The following NFIX variants were observed in gnomAD, a reference collection of about 807,000 sequenced individuals.
The protein encoded by NFIX is nuclear factor I X.
Under a neutral mutation model 53.3 loss-of-function variants are expected in NFIX, and 2 were observed. The ratio of observed to expected loss-of-function variants is 0.04; its 90% confidence interval spans 0.02 to 0.12. The LOEUF (loss-of-function observed/expected upper bound fraction) is 0.12, where lower values mean the gene tolerates loss of function less well. NFIX is among the 10% of genes least tolerant of loss of function. The pLI, the probability that NFIX is intolerant of heterozygous loss-of-function variation, is 1.00. For missense variants in NFIX, 310 were observed against 674.5 expected (o/e 0.46, Z 5.99); for synonymous variants, 244 against 289.0 (o/e 0.84, Z 1.58).
rs2145539450 is a variant in NFIX at position 13,094,736 on chromosome 19, A to C, written c.*87A>C. The C allele has an allele frequency of 7.4e-7, 1 of 1,356,632 alleles. No individual in the cohort carries two copies. Among genetic ancestry groups the C allele is most frequent in the Admixed American group, 2.1e-5 (1 of 48,752 alleles). 84.0% of individuals were successfully genotyped at this position (1,356,632 alleles called of 1,614,324 possible). A position where few individuals can be genotyped will look rare whatever the true frequency, so the allele number is the denominator to read the frequency against. On this transcript the variant is annotated 3_prime_UTR_variant, in exon 11 of 11. Coordinates refer to ENST00000592199, the MANE Select transcript of NFIX (RefSeq NM_001365902.3). This position sits in a 1 kb window ranked among gnomAD's most constrained non-coding sequence, Gnocchi z 4.3. ...AATTTTGAGAATGGAAAAATCCCCCAGCCCAGCCCAGCCCCACCGAAAAGC... is the reference window on the plus strand; with the variant it reads ...AATTTTGAGAATGGAAAAATCCCCCCGCCCAGCCCAGCCCCACCGAAAAGC...
rs1247619914 is a variant in NFIX, at chr19:12,998,310, GCCTCTCTCTCTTTC to G, written c.27+2458_27+2471del. ...CTCTCTCTCTCTGTCTCTCTGGCCT[GCCTCTCTCTCTTTC>G]CCTCTCTCTCTCTCCCTTTTCTTTT... On this transcript the variant is annotated intron_variant, in intron 1 of 10. Coordinates refer to ENST00000592199, the MANE Select transcript of NFIX (RefSeq NM_001365902.3). The surrounding 1 kb of genome is among the most constrained non-coding windows in gnomAD (Gnocchi z 4.4). Among the ~76,000 whole-genome samples, 1 of 151,258 alleles carries G rather than the reference GCCTCTCTCTCTTTC, an allele frequency of 6.6e-6. No individual in the cohort carries two copies. The highest frequency in any genetic ancestry group is 1.5e-5 in the Non-Finnish European group (1 of 67,830).
intron 2 of NFIX, chr19:13,070,684 C>CAGCGCCCGGAGA (rs1402356156): frequency 6.6e-6 from 1 of 152,466 alleles, no homozygotes; most frequent in Non-Finnish European, 1.5e-5. Flanking sequence ...TGGCTGCCAG[C>CAGCGCCCGGAGA]AGCGCCCGGA....
At chr19:13,004,027 G>A (rs1287965818) in intron 1 of NFIX, among the ~76,000 whole-genome samples, 2 of 152,108 alleles carry the variant, frequency 1.3e-5, no homozygotes, top group East Asian at 3.9e-4. Flanking sequence ...CTCCCGCCTC[G>A]GCCTCCCAAG....
chr19:13,010,711 A>G (rs1599715451), intron 1 of NFIX, among the ~76,000 whole-genome samples: 1 of 152,230 alleles, frequency 6.6e-6, no homozygotes, highest in South Asian at 2.1e-4. Context: ...GCCCACACAC[A>G]TGGCTCCAGG....
chr19:13,064,641 G>A (rs1406889770), intron 2 of NFIX, among the ~76,000 whole-genome samples: 2 of 152,194 alleles, frequency 1.3e-5, no homozygotes, highest in Admixed American at 1.3e-4. Context: ...GAGCCCCTCT[G>A]TTCACTGGCA....
At chr19:13,042,022 C>T (rs78508182) in intron 2 of NFIX, among the ~76,000 whole-genome samples, 6 of 151,542 alleles carry the variant, frequency 4.0e-5, no homozygotes, top group Non-Finnish European at 7.4e-5. Flanking sequence ...CTCAGCCTCC[C>T]GAGTAGCTGG....
At chr19:13,031,529 A>G (rs1254173213) in intron 2 of NFIX, among the ~76,000 whole-genome samples, 2 of 152,160 alleles carry the variant, frequency 1.3e-5, no homozygotes, top group African/African-American at 4.8e-5. Context: ...CACTTAGTCA[A>G]CTTACTGTGA....
At chr19:13,029,642 T>C (rs1354978861) in intron 2 of NFIX, among the ~76,000 whole-genome samples, 1 of 152,164 alleles carries the variant, frequency 6.6e-6, no homozygotes, top group Non-Finnish European at 1.5e-5. Flanking sequence ...AGTGTGGTGC[T>C]CTGAGAGCAG....
chr19:12,997,685 C>G (rs952992053), intron 1 of NFIX, among the ~76,000 whole-genome samples: 3 of 152,224 alleles, frequency 2.0e-5, no homozygotes, highest in African/African-American at 7.2e-5. Context: ...GCTGCCAGCC[C>G]GGCCTCCCAT....
Position 13,088,275 on chromosome 19 carries a change from C to T in NFIX, c.1402+139C>T. ...CAGAGCACCATGGACAAGAGCAGAG[C>T]CGAGCCCCCCAACCACAGCCTCCCT... On this transcript the variant is annotated intron_variant, in intron 9 of 10. Transcript: ENST00000592199. The surrounding 1 kb of genome is among the most constrained non-coding windows in gnomAD (Gnocchi z 5.9). The T allele has an allele frequency of 9.2e-7, 1 of 1,083,678 alleles. No individual in the cohort carries two copies. The highest frequency in any genetic ancestry group is 1.3e-6 in the Non-Finnish European group (1 of 776,036). 67.1% of individuals were successfully genotyped at this position (1,083,678 alleles called of 1,614,324 possible). A position where few individuals can be genotyped will look rare whatever the true frequency, so the allele number is the denominator to read the frequency against.
At position 13,025,227 on chromosome 19, in the gene NFIX, G is replaced by A. The variant is rs1392028274; in HGVS notation, c.234G>A (p.Lys78=). The change falls in exon 2 of 11, where the codon AAG becomes AAA. Residue 78 remains lysine, a synonymous_variant. Coordinates refer to ENST00000592199, the MANE Select transcript of NFIX (RefSeq NM_001365902.3). The surrounding 1 kb of genome is among the most constrained non-coding windows in gnomAD (Gnocchi z 7.5). ...AGTGGGCATCCCGGCTGCTGGCCAA[G>A]CTGCGCAAGGACATCCGGCCCGAGT... ...KQKWASRLLA[K]LRKDIRPEFR... The A allele has an allele frequency of 1.9e-6, 3 of 1,614,202 alleles. No individual in the cohort carries two copies. The highest frequency in any genetic ancestry group is 2.5e-6 in the Non-Finnish European group (3 of 1,180,028).
In NFIX at chr19:13,094,145, C is replaced by A. The variant is rs997300825; in HGVS notation, c.1495-490C>A. ...GCCCCCAGTCTTTCAGCCTGTGGGA[C>A]CTTGGCTGGGGTATATAGATGGGAA... On this transcript the variant is annotated intron_variant, in intron 10 of 10. Transcript: ENST00000592199. This position sits in a 1 kb window ranked among gnomAD's most constrained non-coding sequence, Gnocchi z 4.3. Among the ~76,000 whole-genome samples, 1 of 152,204 alleles carries A rather than the reference C, an allele frequency of 6.6e-6. No individual in the cohort carries two copies. Among genetic ancestry groups the A allele is most frequent in the Non-Finnish European group, 1.5e-5 (1 of 68,034 alleles).
intron 1 of NFIX, chr19:13,024,474 C>T (rs1043185349): frequency 1.4e-6 from 2 of 1,473,832 alleles, no homozygotes; most frequent in South Asian, 1.3e-5. Flanking sequence ...CTCGCTTGCT[C>T]GTGGATGTCA....
Position 12,996,939 on chromosome 19 carries a change from C to T in NFIX, c.27+1075C>T, listed in dbSNP as rs539684692. Among the ~76,000 whole-genome samples, 1 of 152,372 alleles carries T rather than the reference C, an allele frequency of 6.6e-6. No individual in the cohort carries two copies. Among genetic ancestry groups the T allele is most frequent in the Non-Finnish European group, 1.5e-5 (1 of 68,032 alleles). On this transcript the variant is annotated intron_variant, in intron 1 of 10. Transcript: ENST00000592199. This position sits in a 1 kb window ranked among gnomAD's most constrained non-coding sequence, Gnocchi z 5.2. ...AGAGGGCACAGAAGCTGCCCAGAGTCCCACAGTGGCCCTGACAGCGTTGCC... is the reference window on the plus strand; with the variant it reads ...AGAGGGCACAGAAGCTGCCCAGAGTTCCACAGTGGCCCTGACAGCGTTGCC...
chr19:13,046,691 G>T (rs1219737222), intron 2 of NFIX, among the ~76,000 whole-genome samples: 1 of 152,152 alleles, frequency 6.6e-6, no homozygotes, highest in Non-Finnish European at 1.5e-5. Context: ...AGGCTGTGAG[G>T]CAGTCGTTCT....
intron 2 of NFIX, among the ~76,000 whole-genome samples, chr19:13,033,011 G>T (rs1373033646): frequency 2.0e-5 from 3 of 152,134 alleles, no homozygotes; most frequent in Non-Finnish European, 4.4e-5. Flanking sequence ...CAACAGGGAA[G>T]TGTGCCCATT....
rs1476159444 is a variant in NFIX at position 13,093,586 on chromosome 19, C to G, written c.1495-1049C>G. On this transcript the variant is annotated intron_variant, in intron 10 of 10. Transcript: ENST00000592199. This position sits in a 1 kb window ranked among gnomAD's most constrained non-coding sequence, Gnocchi z 4.7. The stretch of plus-strand genomic sequence containing the variant: ...TGCCCGAGGGCTGTGTGGCCTCAGG[C>G]AGGTCACGTACCCCCTCTGTGCCTA... Among the ~76,000 whole-genome samples the G allele has an allele frequency of 6.6e-6, 1 of 152,194 alleles. No homozygotes were observed. The highest frequency in any genetic ancestry group is 1.5e-5 in the Non-Finnish European group (1 of 68,022).
In NFIX at chr19:12,998,849, G is replaced by A. The variant is rs1292447452; in HGVS notation, c.27+2985G>A. Among the ~76,000 whole-genome samples, 1 of 152,126 alleles carries A rather than the reference G, an allele frequency of 6.6e-6. No individual in the cohort carries two copies. Among genetic ancestry groups the A allele is most frequent in the Non-Finnish European group, 1.5e-5 (1 of 68,030 alleles). On this transcript the variant is annotated intron_variant, in intron 1 of 10. Transcript: ENST00000592199. The surrounding 1 kb of genome is among the most constrained non-coding windows in gnomAD (Gnocchi z 4.4). ...ACACGTATATTGGTGTAGGCTTAGC[G>A]ACACAGCAGTACCTCTTTGACGCAC...
rs564671354 is a variant in NFIX, at chr19:13,086,275, C to T, written c.1255-1714C>T. On this transcript the variant is annotated intron_variant, in intron 8 of 10. Transcript: ENST00000592199. ...ACTTCATGTTGGGTATAGCTGGGGC[C>T]GTGGAAGGTTTCAGAGGACTGGAGA... is the stretch of plus-strand genomic sequence containing the variant. Among the ~76,000 whole-genome samples, 12 of 152,146 alleles carry T rather than the reference C, an allele frequency of 7.9e-5. No homozygotes were observed. In the East Asian group the frequency reaches 9.7e-4, roughly 12 times the overall value.
Sources: allele counts gnomAD v4.1 joint callset (sites outside exome capture counted in the v4.1 genomes callset), GRCh38; gene constraint gnomAD v4.1.1; non-coding constraint Gnocchi (gnomAD v3.1); transcripts MANE v1.5; gene names NCBI Gene and HGNC (gene_info 2026-07-23, HGNC 2026-07-21).